Variants in LRRIQ1 observed in about 807,000 individuals in gnomAD.
LRRIQ1 encodes the protein leucine rich repeats and IQ motif containing 1, also known as leucine-rich repeat- and IQ domain-containing protein 1.
In LRRIQ1, 210 loss-of-function variants were observed where a neutral mutation model predicts 211.9. The ratio of observed to expected loss-of-function variants is 0.99; its 90% CI spans 0.89 to 1.11. The LOEUF is 1.11. Ranked by LOEUF, LRRIQ1 falls within the 50% of genes most tolerant of loss-of-function variation. The pLI is 0.00. For synonymous variants in LRRIQ1, 699 were observed against 650.1 expected, an observed-to-expected ratio of 1.08 and a Z score of -1.14; for missense variants, 2,136 against 1,939.5, an observed-to-expected ratio of 1.10 and a Z score of -1.90.
rs1470533501 is a variant in LRRIQ1, at chr12:85,046,030, A to T, written c.347A>T (p.Glu116Val). ...SSEQLIKILS[E>V]IEKEEFMRSK... ...CATTTAACCTCTTAGATATTATCTG[A>T]AATAGAAAAAGAAGAATTTATGAGA... The change falls in exon 5 of 27, where the codon GAA becomes GTA. Residue 116 changes from glutamate to valine, a missense_variant. Coordinates refer to ENST00000393217, the MANE Select transcript of LRRIQ1 (RefSeq NM_001079910.2). The T allele has an allele frequency of 1.9e-5, 31 of 1,598,852 alleles. No individual in the cohort carries two copies. Among genetic ancestry groups the T allele is most frequent in the Non-Finnish European group, 2.4e-5 (28 of 1,167,484 alleles).
intron 11 of LRRIQ1, among the ~76,000 whole-genome samples, chr12:85,092,776 A>G (rs1885522630): frequency 6.6e-6 from 1 of 152,176 alleles, no homozygotes; most frequent in Admixed American, 6.5e-5. Context: ...ATTGAAGGCC[A>G]CCACTTTATC....
intron 4 of LRRIQ1, among the ~76,000 whole-genome samples, 167 bp from the exon 5 acceptor site, chr12:85,045,853 T>C (rs2135913780): frequency 6.6e-6 from 1 of 152,146 alleles, no homozygotes; most frequent in East Asian, 1.9e-4. Flanking sequence ...TTTTATTCAT[T>C]GTAAAGAGAA....
At chr12:85,265,108 G>A (rs1331967407), downstream of LRRIQ1, among the ~76,000 whole-genome samples, 1 of 152,002 alleles carries the variant, frequency 6.6e-6, no homozygotes, top group Non-Finnish European at 1.5e-5. Context: ...ATACTGACAT[G>A]TGTAATACTG....
intron 8 of LRRIQ1, among the ~76,000 whole-genome samples, chr12:85,060,444 CA>C (rs967020392): frequency 5.3e-5 from 8 of 151,700 alleles, no homozygotes; most frequent in Non-Finnish European, 1.2e-4. Flanking sequence ...ATAACCACCA[CA>C]AAAAAGGGCA....
At chr12:85,159,349 GT>G (rs1247862519) in intron 23 of LRRIQ1, among the ~76,000 whole-genome samples, 2 of 151,684 alleles carry the variant, frequency 1.3e-5, no homozygotes, top group African/African-American at 2.4e-5. Context: ...AAGAATGTAA[GT>G]TTTTTTTCTA....
chr12:85,115,221 T>G (rs1887486935), intron 15 of LRRIQ1, among the ~76,000 whole-genome samples: 1 of 152,212 alleles, frequency 6.6e-6, no homozygotes, highest in Non-Finnish European at 1.5e-5. Context: ...ATTCTGATAC[T>G]TCATTTCCAA....
chr12:85,081,723 CTTTTTT>C (rs766961193), intron 11 of LRRIQ1, among the ~76,000 whole-genome samples: 3 of 113,438 alleles, frequency 2.6e-5, no homozygotes, highest in African/African-American at 3.6e-5. Context: ...TCTTCTTCTT[CTTTTTT>C]TTTTTTTTTT....
chr12:85,078,249 G>C (rs3913012), intron 11 of LRRIQ1, among the ~76,000 whole-genome samples: 38 of 152,078 alleles, frequency 2.5e-4, no homozygotes, highest in African/African-American at 8.2e-4. Flanking sequence ...AATAATTATT[G>C]GGAAATAATA....
chr12:85,216,882 G>A (rs1894114714), intron 24 of LRRIQ1, among the ~76,000 whole-genome samples: 1 of 151,760 alleles, frequency 6.6e-6, no homozygotes, highest in African/African-American at 2.4e-5. Flanking sequence ...ATAAAACTTT[G>A]GCATTAATAA....
chr12:85,197,976 ATAATTAT>A (rs1893045592), intron 24 of LRRIQ1, among the ~76,000 whole-genome samples: 3 of 106,672 alleles, frequency 2.8e-5, no homozygotes, highest in Admixed American at 1.4e-4. Flanking sequence ...ATAAATATAT[ATAATTAT>A]ATTATATATT....
At chr12:85,216,562 ATAG>A (rs1334111842) in intron 24 of LRRIQ1, among the ~76,000 whole-genome samples, 1 of 151,166 alleles carries the variant, frequency 6.6e-6, no homozygotes, top group Non-Finnish European at 1.5e-5. Context: ...GAATATACAC[ATAG>A]TATATGTAAA....
chr12:85,254,562 T>C (rs1896036105), intron 1 of LRRIQ1, among the ~76,000 whole-genome samples: 1 of 152,108 alleles, frequency 6.6e-6, no homozygotes. Flanking sequence ...TAATATAGAC[T>C]GCAACTATAT....
intron 24 of LRRIQ1, among the ~76,000 whole-genome samples, chr12:85,227,447 G>T (rs1189218149): frequency 3.9e-5 from 6 of 152,028 alleles, no homozygotes; most frequent in Admixed American, 2.6e-4. Context: ...TTTTTCATTT[G>T]TCTATTGGCT....
chr12:85,099,867 C>T (rs1886211115), intron 13 of LRRIQ1, among the ~76,000 whole-genome samples: 1 of 151,636 alleles, frequency 6.6e-6, no homozygotes, highest in South Asian at 2.1e-4. Context: ...ACTTAACTTC[C>T]ACCTATTACA....
chr12:85,107,532 T>C (rs1886868213), intron 15 of LRRIQ1, among the ~76,000 whole-genome samples: 1 of 152,154 alleles, frequency 6.6e-6, no homozygotes, highest in African/African-American at 2.4e-5. Flanking sequence ...TTTAGTTTAC[T>C]TGGGATTTAT....
At chr12:85,187,985 C>G (rs928872844) in intron 24 of LRRIQ1, among the ~76,000 whole-genome samples, 9 of 152,034 alleles carry the variant, frequency 5.9e-5, no homozygotes, top group East Asian at 3.9e-4. Flanking sequence ...TCAGGACCAA[C>G]CTACATGTCC....
At chr12:85,198,805 T>C (rs1282911564) in intron 24 of LRRIQ1, among the ~76,000 whole-genome samples, 1 of 152,108 alleles carries the variant, frequency 6.6e-6, no homozygotes, top group Non-Finnish European at 1.5e-5. Context: ...GCTGACCTCG[T>C]GATCCACCCG....
intron 11 of LRRIQ1, among the ~76,000 whole-genome samples, chr12:85,092,791 G>A (rs1423482676): frequency 1.3e-5 from 2 of 152,140 alleles, no homozygotes; most frequent in African/African-American, 2.4e-5. Context: ...TTTATCAAAC[G>A]TGCCTGCGCC....
At chr12:85,268,393 T>G (rs1896466435), downstream of LRRIQ1, among the ~76,000 whole-genome samples, 1 of 151,982 alleles carries the variant, frequency 6.6e-6, no homozygotes, top group East Asian at 1.9e-4. Context: ...CCAGGACTCC[T>G]TATGCAATGC....
Sources: gnomAD v4.1 joint callset for allele counts (sites outside exome capture counted in the v4.1 genomes callset) on GRCh38, gnomAD v4.1.1 for gene constraint, MANE v1.5 for transcripts, NCBI Gene and HGNC (gene_info 2026-07-23, HGNC 2026-07-21) for gene names.